The following PPP2R3A variants were observed in gnomAD, a reference collection of about 807,000 sequenced individuals.
PPP2R3A encodes protein phosphatase 2 regulatory subunit B''alpha.
Under a neutral mutation model 106.9 loss-of-function variants are expected in PPP2R3A, and 80 were observed. The ratio of observed to expected loss-of-function variants is 0.75; its 90% confidence interval spans 0.62 to 0.90. The LOEUF is 0.90. Ranked by LOEUF, PPP2R3A falls within the 40% of genes least tolerant of loss-of-function variation. The probability of loss-of-function intolerance (pLI) is 0.00; values close to 1 mark genes in which losing one functional copy is unlikely to be tolerated. For missense variants in PPP2R3A, 1,386 were observed against 1,350.4 expected (o/e 1.03, Z -0.41); for synonymous variants, 483 against 468.3 (o/e 1.03, Z -0.41).
At chr3:136,066,058 C>G (rs1325193060) in intron 5 of PPP2R3A, among the ~76,000 whole-genome samples, 1 of 152,052 alleles carries the variant, frequency 6.6e-6, no homozygotes, top group Non-Finnish European at 1.5e-5. Flanking sequence ...GGACAGTTTC[C>G]TAGGAAAATA....
Position 136,090,617 on chromosome 3 carries a change from A to C in PPP2R3A, c.2877A>C (p.Ala959=). The C allele has an allele frequency of 6.2e-7, 1 of 1,613,730 alleles. No individual in the cohort carries two copies. Among genetic ancestry groups the C allele is most frequent in the Non-Finnish European group, 8.5e-7 (1 of 1,179,780 alleles). Residue 959 remains alanine (A), a synonymous_variant, in exon 10 of 14, where the codon GCA becomes GCC. Coordinates refer to ENST00000264977, the MANE Select transcript of PPP2R3A (RefSeq NM_002718.5). ...AGAAAGAGGGAAGAATGAGCTATGC[A>C]GATTTTGTTTGGTTTTTGATCTCTG... ...TIQKEGRMSY[A]DFVWFLISEE...
intron 13 of PPP2R3A, among the ~76,000 whole-genome samples, chr3:136,112,654 A>G (rs1045193176): frequency 1.3e-5 from 2 of 152,224 alleles, no homozygotes; most frequent in East Asian, 1.9e-4. Flanking sequence ...ATGGAAAAAC[A>G]TTCTATGCTC....
intron 1 of PPP2R3A, among the ~76,000 whole-genome samples, chr3:135,967,952 C>CA (rs574657705): frequency 8.8e-4 from 134 of 152,326 alleles, no homozygotes; most frequent in South Asian, 1.9e-3. Context: ...ACTCCACACA[C>CA]ACAGTTGTGA....
chr3:136,119,095 A>T (rs921804039), intron 13 of PPP2R3A, among the ~76,000 whole-genome samples: 5 of 152,242 alleles, frequency 3.3e-5, no homozygotes, highest in Non-Finnish European at 5.9e-5. Context: ...ATCTTTGACA[A>T]ACCTGACAAA....
chr3:136,003,285 A>G lies in PPP2R3A; in HGVS notation c.1787A>G (p.Glu596Gly). Reference protein sequence around the residue: ...EDRALLLRILESIEDFAQELV... With the variant: ...EDRALLLRILGSIEDFAQELV... ...CGAGCCCTCTTACTGCGAATCCTGG[A>G]AAGCATTGAAGACTTTGCTCAAGAA... The change falls in exon 2 of 14, where the codon GAA becomes GGA. Residue 596 changes from glutamate to glycine, a missense_variant. Glu to Gly is a moderately conservative substitution (Grantham distance 98). Transcript: ENST00000264977. 1 of 1,613,936 alleles carries G rather than the reference A, an allele frequency of 6.2e-7. No homozygotes were observed. Among genetic ancestry groups the G allele is most frequent in the Non-Finnish European group, 8.5e-7 (1 of 1,179,916 alleles).
intron 1 of PPP2R3A, among the ~76,000 whole-genome samples, chr3:135,972,669 G>A (rs1937283677): frequency 6.6e-6 from 1 of 152,120 alleles, no homozygotes; most frequent in African/African-American, 2.4e-5. Context: ...GTGAAGTGGT[G>A]CCTCATTGTG....
chr3:136,087,033 C>A (rs966027879), intron 8 of PPP2R3A, among the ~76,000 whole-genome samples: 1 of 152,046 alleles, frequency 6.6e-6, no homozygotes, highest in South Asian at 2.1e-4. Context: ...GAAACCCCAT[C>A]GCTAATAAAA....
intron 3 of PPP2R3A, among the ~76,000 whole-genome samples, chr3:136,028,992 A>G (rs1934764945): frequency 6.6e-6 from 1 of 152,152 alleles, no homozygotes; most frequent in Non-Finnish European, 1.5e-5. Context: ...AGCTGGGATT[A>G]CAGGCATGCA....
intron 4 of PPP2R3A, among the ~76,000 whole-genome samples, chr3:136,044,323 T>C (rs1935397381): frequency 6.6e-6 from 1 of 152,156 alleles, no homozygotes; most frequent in South Asian, 2.1e-4. Flanking sequence ...ACTTGTTGAA[T>C]GCTAACTATA....
chr3:136,060,655 A>G (rs1936046695), intron 5 of PPP2R3A, among the ~76,000 whole-genome samples: 1 of 152,144 alleles, frequency 6.6e-6, no homozygotes, highest in Non-Finnish European at 1.5e-5. Context: ...CCTCCTGTAC[A>G]GTCTGCAGAA....
intron 3 of PPP2R3A, among the ~76,000 whole-genome samples, chr3:136,031,119 A>G (rs1181321976): frequency 6.6e-6 from 1 of 152,060 alleles, no homozygotes; most frequent in Non-Finnish European, 1.5e-5. Flanking sequence ...CACTGCAGCC[A>G]TGCCAACATC....
At chr3:136,059,236 C>A (rs1935994753) in intron 5 of PPP2R3A, among the ~76,000 whole-genome samples, 1 of 151,892 alleles carries the variant, frequency 6.6e-6, no homozygotes. Context: ...ACAAACTATG[C>A]ATCCAACAAA....
chr3:136,075,193 C>A (rs1241448329), intron 6 of PPP2R3A, among the ~76,000 whole-genome samples: 1 of 152,148 alleles, frequency 6.6e-6, no homozygotes, highest in Non-Finnish European at 1.5e-5. Flanking sequence ...AACTGACTTA[C>A]AATTTAACTT....
chr3:135,979,193 A>T (rs1187149834), intron 1 of PPP2R3A, among the ~76,000 whole-genome samples: 1 of 151,638 alleles, frequency 6.6e-6, no homozygotes, highest in African/African-American at 2.4e-5. Flanking sequence ...AGCCTGGCCA[A>T]CATGGTGAAA....
intron 13 of PPP2R3A, among the ~76,000 whole-genome samples, chr3:136,140,767 G>C (rs1938836210): frequency 6.7e-6 from 1 of 149,180 alleles, no homozygotes; most frequent in Non-Finnish European, 1.5e-5. Flanking sequence ...AAAAAAAGCC[G>C]GTTGTGGTGG....
intron 1 of PPP2R3A, among the ~76,000 whole-genome samples, chr3:135,997,137 C>T (rs928812032): frequency 6.6e-6 from 1 of 152,172 alleles, no homozygotes; most frequent in African/African-American, 2.4e-5. Context: ...TCTCTTCTAG[C>T]TGCCGTTTTA....
chr3:136,023,237 GT>G (rs774929458), intron 2 of PPP2R3A: 1 of 1,557,710 alleles, frequency 6.4e-7, no homozygotes, highest in Non-Finnish European at 8.7e-7. Context: ...GTTTTGTTTT[GT>G]TTTGTTTTGA....
At chr3:136,027,256 C>T (rs1934700179) in intron 3 of PPP2R3A, among the ~76,000 whole-genome samples, 158 bp downstream of exon 3, 1 of 151,980 alleles carries the variant, frequency 6.6e-6, no homozygotes, top group African/African-American at 2.4e-5. Flanking sequence ...AGTGATCTTC[C>T]ATTTCAACCT....
rs374592115 is a variant in PPP2R3A, at chr3:136,026,394, C to T, written c.1996-438C>T. Reference sequence around the variant, plus strand: ...AGGAGCCCCTTCCCCAAATACTTTTCGGATATATATATTTAAAAGGAACTT... The same window carrying T: ...AGGAGCCCCTTCCCCAAATACTTTTTGGATATATATATTTAAAAGGAACTT... On this transcript the variant is annotated intron_variant, in intron 2 of 13. Transcript: ENST00000264977. Among the ~76,000 whole-genome samples the T allele has an allele frequency of 4.6e-5, 7 of 152,154 alleles. No homozygotes were observed. In the South Asian group the frequency reaches 6.2e-4, roughly 14 times the overall value.
Sources: allele counts gnomAD v4.1 joint callset (sites outside exome capture counted in the v4.1 genomes callset), GRCh38; gene constraint gnomAD v4.1.1; transcripts MANE v1.5; gene names NCBI Gene and HGNC (gene_info 2026-07-23, HGNC 2026-07-21).